The following FGF12 variants were observed in gnomAD, a reference collection of about 807,000 sequenced individuals.
The protein encoded by FGF12 is fibroblast growth factor 12.
FGF12 carries 14 observed loss-of-function variants against 23.6 expected under a neutral mutation model. That is an observed-to-expected ratio of 0.59 (90% CI 0.39 to 0.93). The LOEUF is 0.93. Ranked by LOEUF, FGF12 falls within the 40% of genes least tolerant of loss-of-function variation. The pLI, the probability that FGF12 is intolerant of heterozygous loss-of-function variation, is 0.00. For missense variants in FGF12, 175 were observed against 217.8 expected (o/e 0.80, Z 1.24); for synonymous variants, 62 against 77.3 (o/e 0.80, Z 1.04).
chr3:192,686,996 T>C (rs951503214), intron 2 of FGF12, among the ~76,000 whole-genome samples: 4 of 150,882 alleles, frequency 2.7e-5, no homozygotes, highest in Non-Finnish European at 5.9e-5. Flanking sequence ...AACTGGATAA[T>C]TTTTTTGTAT....
At chr3:192,520,384 C>A (rs149824633) in intron 2 of FGF12, among the ~76,000 whole-genome samples, 1 of 152,226 alleles carries the variant, frequency 6.6e-6, no homozygotes, top group African/African-American at 2.4e-5. Context: ...TTATTAAATC[C>A]TACTATACAC....
intron 2 of FGF12, among the ~76,000 whole-genome samples, chr3:192,616,703 T>C (rs1250641877): frequency 6.6e-6 from 1 of 151,938 alleles, no homozygotes; most frequent in African/African-American, 2.4e-5. Flanking sequence ...TTTTCCAGCT[T>C]GGTTGCATGT....
intron 2 of FGF12, among the ~76,000 whole-genome samples, chr3:192,720,363 G>T (rs1479228534): frequency 6.6e-6 from 1 of 152,242 alleles, no homozygotes; most frequent in African/African-American, 2.4e-5. Context: ...CTTCTGCCTA[G>T]GTGCCATCAG....
chr3:192,536,617 A>G (rs1279061550), intron 2 of FGF12, among the ~76,000 whole-genome samples: 1 of 152,070 alleles, frequency 6.6e-6, no homozygotes, highest in Non-Finnish European at 1.5e-5. Context: ...ATTTAAAAAT[A>G]TATATATAAA....
chr3:192,505,518 G>A (rs965264020), intron 2 of FGF12, among the ~76,000 whole-genome samples: 1 of 152,144 alleles, frequency 6.6e-6, no homozygotes, highest in Non-Finnish European at 1.5e-5. Flanking sequence ...TAGAATAGAA[G>A]AGATTATATT....
At chr3:192,238,484 T>C (rs1042141972) in intron 4 of FGF12, 1 of 152,184 alleles carries the variant, frequency 6.6e-6, no homozygotes, top group Non-Finnish European at 1.5e-5. Flanking sequence ...GGTGGATGCA[T>C]AATGGTAGGG....
chr3:192,702,006 T>A (rs2108730599), intron 2 of FGF12, among the ~76,000 whole-genome samples: 1 of 152,242 alleles, frequency 6.6e-6, no homozygotes, highest in East Asian at 1.9e-4. Context: ...TTACCCTCCC[T>A]CCCTTAGCAC....
chr3:192,640,893 C>T (rs1049997571), intron 2 of FGF12, among the ~76,000 whole-genome samples: 4 of 151,476 alleles, frequency 2.6e-5, no homozygotes, highest in Non-Finnish European at 5.9e-5. Context: ...GCTCACTGCC[C>T]CCTCAATCTC....
chr3:192,504,070 A>G (rs957361092), intron 2 of FGF12, among the ~76,000 whole-genome samples: 1 of 152,074 alleles, frequency 6.6e-6, no homozygotes, highest in African/African-American at 2.4e-5. Context: ...CCGTTATCCT[A>G]AGCGAACTAA....
At chr3:192,320,189 G>T (rs545093203) in intron 4 of FGF12, among the ~76,000 whole-genome samples, 1 of 152,038 alleles carries the variant, frequency 6.6e-6, no homozygotes, top group Non-Finnish European at 1.5e-5. Context: ...GAAAAGAGGA[G>T]TAGCTCTACA....
At chr3:192,429,548 A>G (rs1388794541) in intron 2 of FGF12, among the ~76,000 whole-genome samples, 1 of 151,916 alleles carries the variant, frequency 6.6e-6, no homozygotes, top group Non-Finnish European at 1.5e-5. Context: ...TACATGCATT[A>G]CTCCTTCTCT....
At chr3:192,672,815 C>A (rs185606980) in intron 2 of FGF12, among the ~76,000 whole-genome samples, 32 of 151,054 alleles carry the variant, frequency 2.1e-4, no homozygotes, top group African/African-American at 7.5e-4. Context: ...GGCCTTGATC[C>A]ACTGAGTTTC....
intron 3 of FGF12, among the ~76,000 whole-genome samples, chr3:192,356,310 T>C (rs972962743): frequency 6.6e-6 from 1 of 152,196 alleles, no homozygotes; most frequent in Non-Finnish European, 1.5e-5. Context: ...CCATTCCATA[T>C]CAAATGCTCT....
chr3:192,603,602 T>C (rs937428254), intron 2 of FGF12, among the ~76,000 whole-genome samples: 4 of 152,068 alleles, frequency 2.6e-5, no homozygotes, highest in African/African-American at 4.8e-5. Context: ...TGACATCACA[T>C]ATCAGTAGGA....
intron 4 of FGF12, among the ~76,000 whole-genome samples, chr3:192,182,210 G>A (rs1716218691): frequency 1.3e-5 from 2 of 151,886 alleles, no homozygotes; most frequent in South Asian, 4.2e-4. Flanking sequence ...TCCTGGGAAG[G>A]GATTTGGTTG....
intron 2 of FGF12, among the ~76,000 whole-genome samples, chr3:192,719,283 A>G (rs1718959070): frequency 6.6e-6 from 1 of 152,212 alleles, no homozygotes. Flanking sequence ...CTAAGGAAAT[A>G]CTGCTTATTG....
chr3:192,168,002 T>C (rs1265391366), intron 5 of FGF12, among the ~76,000 whole-genome samples: 1 of 151,476 alleles, frequency 6.6e-6, no homozygotes, highest in Non-Finnish European at 1.5e-5. Flanking sequence ...CCTGACCTCG[T>C]GATCCGCCCA....
chr3:192,303,549 C>G (rs552721817), intron 4 of FGF12, among the ~76,000 whole-genome samples: 5 of 152,200 alleles, frequency 3.3e-5, no homozygotes, highest in Non-Finnish European at 7.3e-5. Flanking sequence ...TACTAAGAGA[C>G]TGAAATTTAC....
intron 2 of FGF12, among the ~76,000 whole-genome samples, chr3:192,708,016 G>A (rs1718534090): frequency 1.3e-5 from 2 of 152,112 alleles, no homozygotes; most frequent in South Asian, 2.1e-4. Context: ...CTGGAGTGCT[G>A]TGGCGCGATC....
Sources: allele counts gnomAD v4.1 joint callset (sites outside exome capture counted in the v4.1 genomes callset), GRCh38; gene constraint gnomAD v4.1.1; transcripts MANE v1.5; gene names NCBI Gene and HGNC (gene_info 2026-07-23, HGNC 2026-07-21).